LMBR1: variants seen among roughly 807,000 people sequenced by gnomAD.
LMBR1 encodes the protein limb region 1 protein homolog.
A neutral mutation model predicts 73.9 loss-of-function variants in LMBR1; 52 were observed. The observed-to-expected ratio is 0.70, with a 90% CI of 0.56 to 0.89. LMBR1 has a LOEUF of 0.89. Among genes scored for constraint, LMBR1 ranks in the 40% least tolerant of loss-of-function variants. The probability of loss-of-function intolerance (pLI) is 0.00; values close to 1 mark genes in which losing one functional copy is unlikely to be tolerated. For synonymous variants in LMBR1, 215 were observed against 209.4 expected, an observed-to-expected ratio of 1.03 and a Z score of -0.23; for missense variants, 539 against 579.8, an observed-to-expected ratio of 0.93 and a Z score of 0.72.
At chr7:156,788,764 T>C (rs976058143) in intron 5 of LMBR1, among the ~76,000 whole-genome samples, 2 of 152,288 alleles carry the variant, frequency 1.3e-5, no homozygotes, top group East Asian at 1.9e-4. Flanking sequence ...TTGGTATAAA[T>C]TGGCTGGGCA....
intron 4 of LMBR1, among the ~76,000 whole-genome samples, chr7:156,803,787 T>C (rs957639349): frequency 1.3e-5 from 2 of 151,758 alleles, no homozygotes; most frequent in Non-Finnish European, 2.9e-5. Flanking sequence ...ATGTGGCACA[T>C]ATACACCATG....
chr7:156,882,426 T>C (rs1801235367), intron 1 of LMBR1, among the ~76,000 whole-genome samples: 1 of 151,912 alleles, frequency 6.6e-6, no homozygotes, highest in African/African-American at 2.4e-5. Flanking sequence ...TGAGACTCCA[T>C]CTCAAGGGGG....
At chr7:156,813,704 T>C (rs943434599) in intron 4 of LMBR1, among the ~76,000 whole-genome samples, 1 of 152,210 alleles carries the variant, frequency 6.6e-6, no homozygotes, top group Non-Finnish European at 1.5e-5. Context: ...TGTTCTTTGA[T>C]ACACTCAGAA....
Position 156,734,162 on chromosome 7 carries a change from A to G in LMBR1, c.838+15T>C. On this transcript the variant is annotated intron_variant, in intron 10 of 16. Transcript: ENST00000353442. The stretch of plus-strand genomic sequence containing the variant: ...CAAGGCCAATACACAAGTCAAGAAA[A>G]AAAAAGTACAATACCTAATTTTGTC... The G allele has an allele frequency of 1.3e-6, 2 of 1,556,366 alleles. No individual in the cohort carries two copies. The highest frequency in any genetic ancestry group is 1.4e-5 in the African/African-American group (1 of 72,696).
intron 5 of LMBR1, among the ~76,000 whole-genome samples, chr7:156,784,327 C>T (rs1827699525): frequency 6.6e-6 from 1 of 152,178 alleles, no homozygotes; most frequent in Non-Finnish European, 1.5e-5. Context: ...CCTATCATCT[C>T]CTGCCTCTGA....
chr7:156,780,976 T>A (rs1350964493), intron 5 of LMBR1, among the ~76,000 whole-genome samples: 1 of 152,198 alleles, frequency 6.6e-6, no homozygotes, highest in Non-Finnish European at 1.5e-5. Flanking sequence ...TAAAAGCTTC[T>A]TTTACTGGAA....
chr7:156,856,377 A>G (rs1796975228), intron 1 of LMBR1, among the ~76,000 whole-genome samples: 1 of 152,180 alleles, frequency 6.6e-6, no homozygotes, highest in African/African-American at 2.4e-5. Context: ...TCTTCATAAA[A>G]GAACATGACC....
At chr7:156,809,219 A>G (rs1233847773) in intron 4 of LMBR1, among the ~76,000 whole-genome samples, 1 of 152,136 alleles carries the variant, frequency 6.6e-6, no homozygotes, top group Non-Finnish European at 1.5e-5. Flanking sequence ...AACCTGTAAC[A>G]TTTTTTAATG....
At chr7:156,884,406 T>G (rs889165757) in intron 1 of LMBR1, among the ~76,000 whole-genome samples, 1 of 151,898 alleles carries the variant, frequency 6.6e-6, no homozygotes, top group Non-Finnish European at 1.5e-5. Context: ...AAAAAAAACA[T>G]GAACATTGTC....
intron 1 of LMBR1, among the ~76,000 whole-genome samples, chr7:156,848,132 A>C (rs1056992982): frequency 2.6e-5 from 4 of 152,150 alleles, no homozygotes; most frequent in Non-Finnish European, 4.4e-5. Context: ...GAACTCTGGA[A>C]GAAAACCTAG....
chr7:156,723,917 A>G (rs1335925652), intron 15 of LMBR1, among the ~76,000 whole-genome samples, 195 bp downstream of exon 15: 1 of 152,194 alleles, frequency 6.6e-6, no homozygotes, highest in Non-Finnish European at 1.5e-5. Flanking sequence ...TTAAAAAATA[A>G]GTAGTCATTA....
chr7:156,852,149 G>C (rs1325353640), intron 1 of LMBR1, among the ~76,000 whole-genome samples: 1 of 152,062 alleles, frequency 6.6e-6, no homozygotes, highest in African/African-American at 2.4e-5. Flanking sequence ...TCTCAAAAGG[G>C]TAACCAAGAG....
chr7:156,729,143 C>G (rs915574452), intron 10 of LMBR1, among the ~76,000 whole-genome samples: 3 of 152,120 alleles, frequency 2.0e-5, no homozygotes, highest in African/African-American at 7.2e-5. Context: ...GATACCCAGA[C>G]AAAAATCAGA....
chr7:156,877,807 C>T (rs989513412), intron 1 of LMBR1, among the ~76,000 whole-genome samples: 6 of 151,274 alleles, frequency 4.0e-5, no homozygotes, highest in African/African-American at 1.2e-4. Context: ...GGCGTGAACC[C>T]GGGAGGCGGA....
In LMBR1 at chr7:156,781,976, C is replaced by T. The variant is rs568803198; in HGVS notation, c.423+14413G>A. Among the ~76,000 whole-genome samples, 12 of 152,352 alleles carry T rather than the reference C, an allele frequency of 7.9e-5. No homozygotes were observed. In the East Asian group the frequency reaches 2.1e-3, roughly 27 times the overall value. On this transcript the variant is annotated intron_variant, in intron 5 of 16. Transcript: ENST00000353442. Reference sequence around the variant, plus strand: ...CAACTGAAACTCTGTACCCATTAAACAATAACTTCCCCCCCAATACACAAT... The same window carrying T: ...CAACTGAAACTCTGTACCCATTAAATAATAACTTCCCCCCCAATACACAAT...
intron 1 of LMBR1, among the ~76,000 whole-genome samples, chr7:156,849,993 T>C (rs1264883236): frequency 6.6e-6 from 1 of 152,206 alleles, no homozygotes; most frequent in Admixed American, 6.5e-5. Context: ...AAAATTTCTC[T>C]AAAAAATAAA....
At chr7:156,697,999 G>A (rs553785881) in intron 15 of LMBR1, among the ~76,000 whole-genome samples, 27 of 152,308 alleles carry the variant, frequency 1.8e-4, no homozygotes, top group East Asian at 7.7e-4. Flanking sequence ...TTCGTGGTCC[G>A]TGACTTCCCG....
At chr7:156,792,757 T>C (rs959358715) in intron 5 of LMBR1, among the ~76,000 whole-genome samples, 2 of 152,224 alleles carry the variant, frequency 1.3e-5, no homozygotes, top group African/African-American at 2.4e-5. Flanking sequence ...CATCCGCCCA[T>C]GGCCAGTGGC....
downstream of LMBR1, among the ~76,000 whole-genome samples, chr7:156,676,019 G>A (rs369572401): frequency 3.4e-4 from 52 of 151,596 alleles, no homozygotes; most frequent in African/African-American, 1.2e-3. Context: ...GTGGCATGTC[G>A]GGGGAGGTCG....
Sources: gnomAD v4.1 joint callset for allele counts (sites outside exome capture counted in the v4.1 genomes callset) on GRCh38, gnomAD v4.1.1 for gene constraint, MANE v1.5 for transcripts, NCBI Gene and HGNC (gene_info 2026-07-23, HGNC 2026-07-21) for gene names.